Variants in OCA2 observed in about 807,000 individuals in gnomAD.
OCA2 encodes the protein P protein.
A neutral mutation model predicts 100.2 loss-of-function variants in OCA2; 77 were observed. The ratio of observed to expected loss-of-function variants is 0.77; its 90% confidence interval spans 0.64 to 0.93. The LOEUF (loss-of-function observed/expected upper bound fraction) is 0.93. Among genes scored for constraint, OCA2 ranks in the 40% least tolerant of loss-of-function variants. The probability of loss-of-function intolerance (pLI) is 0.00; values close to 1 mark genes in which losing one functional copy is unlikely to be tolerated. For synonymous variants in OCA2, 432 were observed against 439.2 expected, an observed-to-expected ratio of 0.98 and a Z score of 0.21; for missense variants, 1,062 against 1,089.1, an observed-to-expected ratio of 0.98 and a Z score of 0.35.
chr15:27,909,609 G>T (rs2703927), intron 19 of OCA2, among the ~76,000 whole-genome samples: 8,223 of 152,120 alleles, frequency 0.054, 756 homozygotes, highest in African/African-American at 0.19. Flanking sequence ...CATATGAAAA[G>T]CTAATGTAGG....
intron 23 of OCA2, among the ~76,000 whole-genome samples, chr15:27,756,484 AAAAC>A (rs1267682782): frequency 1.3e-5 from 2 of 152,276 alleles, no homozygotes; most frequent in African/African-American, 4.8e-5. Context: ...TTTATTTTAC[AAAAC>A]AAACAAAAAG....
intron 9 of OCA2, among the ~76,000 whole-genome samples, chr15:27,993,951 T>C (rs1458526153): frequency 6.6e-6 from 1 of 152,216 alleles, no homozygotes; most frequent in Admixed American, 6.5e-5. Flanking sequence ...ACTTCAGATA[T>C]AATGATGGAC....
chr15:27,790,842 A>T (rs1045816037), intron 23 of OCA2, among the ~76,000 whole-genome samples: 1 of 147,648 alleles, frequency 6.8e-6, no homozygotes, highest in Admixed American at 6.8e-5. Flanking sequence ...AGGCTGAAGT[A>T]TAGTGGCACA....
intron 23 of OCA2, among the ~76,000 whole-genome samples, chr15:27,837,794 G>C (rs1291692755): frequency 6.6e-6 from 1 of 151,530 alleles, no homozygotes; most frequent in Non-Finnish European, 1.5e-5. Flanking sequence ...GCCTGGCAGG[G>C]GAAGGGGAAA....
chr15:27,970,977 G>C (rs755311990), intron 14 of OCA2, among the ~76,000 whole-genome samples: 7 of 151,628 alleles, frequency 4.6e-5, no homozygotes, highest in Non-Finnish European at 7.4e-5. Flanking sequence ...CAGCAAGCAC[G>C]GCATGGTGGG....
At chr15:27,814,695 T>C (rs2034210433) in intron 23 of OCA2, among the ~76,000 whole-genome samples, 1 of 152,100 alleles carries the variant, frequency 6.6e-6, no homozygotes, top group Non-Finnish European at 1.5e-5. Flanking sequence ...CTGGCCAACA[T>C]GGCAAAACCC....
At chr15:27,795,959 G>T (rs1325031517) in intron 23 of OCA2, among the ~76,000 whole-genome samples, 1 of 152,170 alleles carries the variant, frequency 6.6e-6, no homozygotes, top group East Asian at 1.9e-4. Context: ...GCCTATTTAA[G>T]AAAAAAATCA....
At chr15:27,977,265 T>G (rs1175739911) in intron 14 of OCA2, among the ~76,000 whole-genome samples, 1 of 152,184 alleles carries the variant, frequency 6.6e-6, no homozygotes, top group African/African-American at 2.4e-5. Flanking sequence ...ATTTTTTTCT[T>G]CTGCTTACTT....
At chr15:27,762,282 T>C (rs182133035) in intron 23 of OCA2, among the ~76,000 whole-genome samples, 117 of 152,130 alleles carry the variant, frequency 7.7e-4, no homozygotes, top group Non-Finnish European at 1.0e-3. Context: ...ACCTCCACTA[T>C]GGTATTTTTC....
rs1015841484 is a variant in OCA2, at chr15:27,853,365, T to C, written c.2245-1890A>G. The stretch of plus-strand genomic sequence containing the variant: ...GCATATTCTCACTCATAGGTGGGAA[T>C]TGAACAATGAGATCACATGGACACA... On this transcript the variant is annotated intron_variant, in intron 21 of 23. Coordinates refer to ENST00000354638, the MANE Select transcript of OCA2 (RefSeq NM_000275.3). 8.2e-3 allele frequency among the ~76,000 whole-genome samples: 1,108 copies of C among 135,922 alleles called. 9 individuals are homozygous for C. Among genetic ancestry groups the C allele is most frequent in the Non-Finnish European group, 0.011 (711 of 64,072 alleles). 89.2% of individuals were successfully genotyped at this position (135,922 alleles called of 152,430 possible). A position where few individuals can be genotyped will look rare whatever the true frequency, so the allele number is the denominator to read the frequency against.
intron 19 of OCA2, among the ~76,000 whole-genome samples, chr15:27,885,826 C>T (rs1313514565): frequency 2.0e-5 from 3 of 152,310 alleles, no homozygotes; most frequent in Non-Finnish European, 2.9e-5. Flanking sequence ...GATAGACACA[C>T]ATTTGCTGAT....
At chr15:27,939,567 C>T (rs1285543849) in intron 18 of OCA2, among the ~76,000 whole-genome samples, 1 of 152,130 alleles carries the variant, frequency 6.6e-6, no homozygotes, top group Non-Finnish European at 1.5e-5. Flanking sequence ...ATGAGTAATC[C>T]TTACACAAGA....
At chr15:27,753,389 G>C (rs2030141078), downstream of OCA2, among the ~76,000 whole-genome samples, 1 of 151,944 alleles carries the variant, frequency 6.6e-6, no homozygotes, top group Admixed American at 6.6e-5. Context: ...GGGGAGGCTG[G>C]GGGTATGAGC....
At chr15:27,996,787 T>C (rs562968008) in intron 9 of OCA2, among the ~76,000 whole-genome samples, 1 of 152,060 alleles carries the variant, frequency 6.6e-6, no homozygotes, top group South Asian at 2.1e-4. Context: ...GTAAGAAGAT[T>C]GAAGCACTAA....
At chr15:28,077,176 G>A (rs2141853532) in intron 2 of OCA2, among the ~76,000 whole-genome samples, 1 of 151,334 alleles carries the variant, frequency 6.6e-6, no homozygotes, top group South Asian at 2.1e-4. Flanking sequence ...TCTCCTGCCT[G>A]AGCCTCCAGA....
intron 19 of OCA2, among the ~76,000 whole-genome samples, chr15:27,888,775 C>T (rs2037334415): frequency 6.6e-6 from 1 of 152,070 alleles, no homozygotes; most frequent in Non-Finnish European, 1.5e-5. Context: ...TATATATTTA[C>T]ATGAACTATA....
chr15:28,064,751 T>G (rs2043973226), intron 2 of OCA2, among the ~76,000 whole-genome samples: 1 of 152,022 alleles, frequency 6.6e-6, no homozygotes, highest in Non-Finnish European at 1.5e-5. Context: ...TTTTAAAGAC[T>G]TTTTTCAGGA....
At chr15:27,862,218 C>G (rs1212362448) in intron 21 of OCA2, among the ~76,000 whole-genome samples, 6 of 53,492 alleles carry the variant, frequency 1.1e-4, no homozygotes, top group African/African-American at 6.6e-4. Context: ...CGAGTCCTCA[C>G]GGACAGAAAG....
intron 2 of OCA2, among the ~76,000 whole-genome samples, chr15:28,040,364 A>G (rs2043167448): frequency 6.6e-6 from 1 of 152,212 alleles, no homozygotes; most frequent in Non-Finnish European, 1.5e-5. Context: ...AAGCAGTACT[A>G]AAAGGGAAAT....
Sources: allele counts gnomAD v4.1 joint callset (sites outside exome capture counted in the v4.1 genomes callset), GRCh38; gene constraint gnomAD v4.1.1; transcripts MANE v1.5; gene names NCBI Gene and HGNC (gene_info 2026-07-23, HGNC 2026-07-21).